HACE1: variants seen among roughly 807,000 people sequenced by gnomAD.
HACE1 encodes the protein E3 ubiquitin-protein ligase HACE1.
A neutral mutation model predicts 118.4 loss-of-function variants in HACE1; 73 were observed. The observed-to-expected ratio is 0.62, with a 90% CI of 0.51 to 0.75. The LOEUF (loss-of-function observed/expected upper bound fraction) is 0.75, where lower values mean the gene tolerates loss of function less well. HACE1 is among the 30% of genes least tolerant of loss of function. The pLI, the probability that HACE1 is intolerant of heterozygous loss-of-function variation, is 0.00. For synonymous variants in HACE1, 368 were observed against 374.8 expected (o/e 0.98, Z 0.21); for missense variants, 749 against 1,102.2 (o/e 0.68, Z 4.54).
chr6:104,825,076 CG>C (rs67019848), intron 6 of HACE1, among the ~76,000 whole-genome samples: 61,793 of 136,268 alleles, frequency 0.45, 14,937 homozygotes, highest in East Asian at 0.59. Flanking sequence ...AGCAAGACTC[CG>C]TCTCAAAAAA....
intron 22 of HACE1, among the ~76,000 whole-genome samples, chr6:104,741,422 G>C (rs1776671964): frequency 6.6e-6 from 1 of 151,374 alleles, no homozygotes; most frequent in East Asian, 1.9e-4. Flanking sequence ...CATTGTATCA[G>C]CCCCAAATCT....
At chr6:104,737,807 G>A (rs988730591) in intron 22 of HACE1, among the ~76,000 whole-genome samples, 11 of 152,204 alleles carry the variant, frequency 7.2e-5, no homozygotes, top group South Asian at 2.1e-4. Flanking sequence ...GGGGAAGCCC[G>A]AACTGGGTGG....
At chr6:104,748,248 G>A (rs1231416386) in intron 20 of HACE1, among the ~76,000 whole-genome samples, 8 of 149,658 alleles carry the variant, frequency 5.3e-5, no homozygotes, top group South Asian at 2.1e-4. Flanking sequence ...TCAGTAAAAA[G>A]AAAAAAAAAC....
intron 17 of HACE1, among the ~76,000 whole-genome samples, chr6:104,772,488 T>G (rs1780742511): frequency 6.6e-6 from 1 of 152,210 alleles, no homozygotes. Context: ...CCCATTCATC[T>G]GTATGTGCCA....
chr6:104,826,316 G>C (rs564662219), intron 6 of HACE1, among the ~76,000 whole-genome samples: 9 of 152,118 alleles, frequency 5.9e-5, no homozygotes, highest in African/African-American at 2.2e-4. Flanking sequence ...AAAAAAACCT[G>C]CCTTCAAGAA....
rs549907434 is a variant in HACE1, at chr6:104,761,879, A to G, written c.2211+9314T>C. Reference sequence around the variant, plus strand: ...AAAAAACAAACAACCCCATCAAAAAATGGGCAAAGGATATGAACAGACACT... The same window carrying G: ...AAAAAACAAACAACCCCATCAAAAAGTGGGCAAAGGATATGAACAGACACT... On this transcript the variant is annotated intron_variant, in intron 19 of 23. Transcript: ENST00000262903. 8.5e-5 allele frequency among the ~76,000 whole-genome samples: 13 copies of G among 152,236 alleles called. 1 individual carries two copies. In the South Asian group the frequency reaches 1.7e-3, roughly 19 times the overall value.
At chr6:104,758,542 G>A (rs530903084) in intron 19 of HACE1, among the ~76,000 whole-genome samples, 325 of 146,034 alleles carry the variant, frequency 2.2e-3, no homozygotes, top group African/African-American at 8.1e-3. Context: ...AAGAGCTCCT[G>A]AAGGAAGCAC....
intron 22 of HACE1, chr6:104,730,886 T>A (rs953506559): frequency 3.2e-5 from 5 of 154,604 alleles, no homozygotes; most frequent in African/African-American, 1.2e-4. Flanking sequence ...TCCAAATGAT[T>A]TCCTTGTTTG....
chr6:104,836,320 G>C (rs1361955462), intron 5 of HACE1, among the ~76,000 whole-genome samples: 2 of 152,176 alleles, frequency 1.3e-5, no homozygotes, highest in African/African-American at 2.4e-5. Flanking sequence ...AGCTGAGAGA[G>C]ACCTTGGAAT....
At chr6:104,747,786 A>G (rs1204167865) in intron 20 of HACE1, among the ~76,000 whole-genome samples, 1 of 152,204 alleles carries the variant, frequency 6.6e-6, no homozygotes, top group Non-Finnish European at 1.5e-5. Context: ...CATATAAAAT[A>G]CCTGGCAAAT....
At chr6:104,783,878 G>C (rs1782031284) in intron 14 of HACE1, among the ~76,000 whole-genome samples, 1 of 152,198 alleles carries the variant, frequency 6.6e-6, no homozygotes, top group African/African-American at 2.4e-5. Context: ...GTGGCAATGT[G>C]TTCTGTTGTT....
chr6:104,839,196 T>C (rs1042681576), intron 5 of HACE1, among the ~76,000 whole-genome samples: 22 of 152,214 alleles, frequency 1.4e-4, no homozygotes, highest in African/African-American at 5.1e-4. Context: ...ACTGCATTCC[T>C]GGACATTTAT....
In HACE1 at chr6:104,840,553, T is replaced by C. The variant is rs146338061; in HGVS notation, c.402+2670A>G. The stretch of plus-strand genomic sequence containing the variant: ...CATTAAAATAGCTGAGAGAGGCCCG[T>C]CGCGGTGGCTCACACCTGTAATCCG... On this transcript the variant is annotated intron_variant, in intron 5 of 23. Coordinates refer to ENST00000262903, the MANE Select transcript of HACE1 (RefSeq NM_020771.4). 3.9e-5 allele frequency among the ~76,000 whole-genome samples: 6 copies of C among 152,112 alleles called. No individual in the cohort carries two copies. The East Asian group carries it at 1.2e-3, about 29-fold the overall frequency.
chr6:104,832,528 G>C (rs1429735371), intron 6 of HACE1, among the ~76,000 whole-genome samples: 1 of 151,870 alleles, frequency 6.6e-6, no homozygotes, highest in Admixed American at 6.6e-5. Flanking sequence ...GGAACAGCTG[G>C]GACTACGGAT....
At chr6:104,848,855 A>G (rs1775906980) in intron 4 of HACE1, among the ~76,000 whole-genome samples, 1 of 152,224 alleles carries the variant, frequency 6.6e-6, no homozygotes, top group African/African-American at 2.4e-5. Flanking sequence ...ATGAACTTCC[A>G]CATATAATAT....
At chr6:104,788,053 T>A (rs1782630260) in intron 11 of HACE1, among the ~76,000 whole-genome samples, 1 of 152,116 alleles carries the variant, frequency 6.6e-6, no homozygotes, top group East Asian at 1.9e-4. Flanking sequence ...CATTCTTCAA[T>A]CACAAAAAAG....
intron 19 of HACE1, among the ~76,000 whole-genome samples, chr6:104,755,549 A>C (rs1014387935): frequency 4.6e-5 from 7 of 152,256 alleles, no homozygotes; most frequent in Admixed American, 2.0e-4. Flanking sequence ...TCCTTGGCAA[A>C]TGCAAAAGAA....
chr6:104,771,897 G>A, intron 18 of HACE1, 28 bp downstream of exon 18: 2 of 1,455,014 alleles, frequency 1.4e-6, no homozygotes, highest in Non-Finnish European at 1.9e-6. Context: ...ATAAATAAAT[G>A]TCTGCAGAAA....
chr6:104,859,472 G>A, intron 1 of HACE1, 95 bp downstream of exon 1: 1 of 945,494 alleles, frequency 1.1e-6, no homozygotes, highest in Non-Finnish European at 1.5e-6. Flanking sequence ...TCAGCTTTCA[G>A]TTAGTTTTTC....
Sources: gnomAD v4.1 joint callset for allele counts (sites outside exome capture counted in the v4.1 genomes callset) on GRCh38, gnomAD v4.1.1 for gene constraint, MANE v1.5 for transcripts, NCBI Gene and HGNC (gene_info 2026-07-23, HGNC 2026-07-21) for gene names.